PDIA6: variants seen among roughly 807,000 people sequenced by gnomAD.
PDIA6 encodes the protein protein disulfide-isomerase A6.
PDIA6 carries 29 observed loss-of-function variants against 58.4 expected under a neutral mutation model. That is an observed-to-expected ratio of 0.50 (90% CI 0.37 to 0.68). PDIA6 has a LOEUF of 0.68. Ranked by LOEUF, PDIA6 falls within the 30% of genes least tolerant of loss-of-function variation. PDIA6 has a pLI of 0.00. For synonymous variants in PDIA6, 192 were observed against 202.6 expected, an observed-to-expected ratio of 0.95 and a Z score of 0.44; for missense variants, 480 against 551.0, an observed-to-expected ratio of 0.87 and a Z score of 1.29.
intron 1 of PDIA6, among the ~76,000 whole-genome samples, chr2:10,827,345 G>C (rs1009988730): frequency 6.6e-6 from 1 of 152,024 alleles, no homozygotes; most frequent in African/African-American, 2.4e-5. Flanking sequence ...TTACAGGTGT[G>C]AGCCACCGCA....
At chr2:10,829,118 C>A (rs1021582114) in intron 1 of PDIA6, among the ~76,000 whole-genome samples, 3 of 152,204 alleles carry the variant, frequency 2.0e-5, no homozygotes, top group Non-Finnish European at 2.9e-5. Context: ...ATCTGCTTAC[C>A]CGGTGTTGTG....
chr2:10,813,691 A>G (rs941296645), upstream of PDIA6, among the ~76,000 whole-genome samples: 1 of 151,732 alleles, frequency 6.6e-6, no homozygotes, highest in African/African-American at 2.4e-5. Context: ...GCTGGAGTGC[A>G]AAGGCGGGGT....
chr2:10,821,831 C>T (rs967558768), intron 1 of PDIA6, among the ~76,000 whole-genome samples: 1 of 152,076 alleles, frequency 6.6e-6, no homozygotes, highest in African/African-American at 2.4e-5. Context: ...ACTATGTTAC[C>T]CAGGCTGGTC....
intron 5 of PDIA6, among the ~76,000 whole-genome samples, 193 bp from the exon 6 acceptor site, chr2:10,792,118 T>C (rs1315629323): frequency 6.6e-6 from 1 of 152,256 alleles, no homozygotes; most frequent in Non-Finnish European, 1.5e-5. Context: ...AATAGTCTTT[T>C]ACTTTCAAGT....
chr2:10,797,337 A>G (rs1256247895), intron 3 of PDIA6, 130 bp from the exon 4 acceptor site: 1 of 835,638 alleles, frequency 1.2e-6, no homozygotes, highest in Non-Finnish European at 1.8e-6. Flanking sequence ...ATCAGTCAAT[A>G]AGGGCTTTAG....
intron 2 of PDIA6, among the ~76,000 whole-genome samples, chr2:10,818,348 T>G (rs77055809): frequency 9.2e-5 from 14 of 151,630 alleles, no homozygotes; most frequent in Non-Finnish European, 7.4e-5. Context: ...ATTTTTTTTT[T>G]GTAGAGATGG....
chr2:10,812,575 TCCGGCCGCCTG>T, intron 1 of PDIA6, 92 bp downstream of exon 1: 1 of 1,226,022 alleles, frequency 8.2e-7, no homozygotes, highest in Non-Finnish European at 1.1e-6. Flanking sequence ...CAGGCCCACT[TCCGGCCGCCTG>T]CGGCCGCGGC....
chr2:10,818,023 G>A (rs1271521790), intron 2 of PDIA6, among the ~76,000 whole-genome samples: 1 of 152,122 alleles, frequency 6.6e-6, no homozygotes, highest in Non-Finnish European at 1.5e-5. Context: ...GACACACAGT[G>A]CTCCTCTCTG....
At chr2:10,794,682 A>C (rs1026338032) in intron 4 of PDIA6, among the ~76,000 whole-genome samples, 1 of 151,844 alleles carries the variant, frequency 6.6e-6, no homozygotes, top group African/African-American at 2.4e-5. Flanking sequence ...TAATCCCAGC[A>C]CTTTGGGAGG....
At chr2:10,825,129 C>T (rs1480248926) in intron 1 of PDIA6, among the ~76,000 whole-genome samples, 1 of 152,198 alleles carries the variant, frequency 6.6e-6, no homozygotes, top group Admixed American at 6.5e-5. Context: ...TGCCCTCAAA[C>T]ATCAGACTCC....
At chr2:10,799,842 T>G (rs1239766044) in intron 2 of PDIA6, among the ~76,000 whole-genome samples, 1 of 151,490 alleles carries the variant, frequency 6.6e-6, no homozygotes, top group Non-Finnish European at 1.5e-5. Context: ...CCAGGGGTTC[T>G]GCAACTGGGG....
intron 1 of PDIA6, among the ~76,000 whole-genome samples, chr2:10,824,977 G>A (rs1346045938): frequency 6.6e-6 from 1 of 152,160 alleles, no homozygotes; most frequent in East Asian, 1.9e-4. Context: ...GTTGGGAAAG[G>A]CAGACCCACC....
At chr2:10,792,990 G>A in intron 5 of PDIA6, 106 bp downstream of exon 5, 2 of 743,938 alleles carry the variant, frequency 2.7e-6, no homozygotes, top group South Asian at 3.3e-5. Flanking sequence ...CTTTAATTGA[G>A]AGTTCACCAC....
At chr2:10,824,192 G>A (rs1195992874) in intron 1 of PDIA6, among the ~76,000 whole-genome samples, 1 of 151,146 alleles carries the variant, frequency 6.6e-6, no homozygotes, top group African/African-American at 2.4e-5. Flanking sequence ...TGCTTCAGGA[G>A]GAGACACTCA....
At chr2:10,809,153 A>C (rs1666891634) in intron 1 of PDIA6, among the ~76,000 whole-genome samples, 1 of 152,236 alleles carries the variant, frequency 6.6e-6, no homozygotes, top group Non-Finnish European at 1.5e-5. Flanking sequence ...AAATGATCTT[A>C]GATATACTCA....
In PDIA6 at chr2:10,832,024, A is replaced by AAAAG. The variant is rs1180910752; in HGVS notation, c.-48+177_-48+178insCTTT. On this transcript the variant is annotated intron_variant, in intron 1 of 13. Coordinates refer to the PDIA6 transcript ENST00000381611. ...AGAGCAAGACCCTGTCTCAAAAAAAAAAAAAAAAAAAAAGAGGAGAGAATT... is the reference window on the plus strand; with the variant it reads ...AGAGCAAGACCCTGTCTCAAAAAAAAAAAGAAAAAAAAAAAAAGAGGAGAGAATT... 5.5e-4 allele frequency among the ~76,000 whole-genome samples: 83 copies of AAAAG among 151,500 alleles called. 2 individuals carry two copies. The East Asian group carries it at 0.01, about 18-fold the overall frequency.
Position 10,793,137 on chromosome 2 carries a change from G to A in PDIA6, c.412C>T (p.Arg138Cys). 3.1e-6 allele frequency: 5 copies of A among 1,613,972 alleles called. No individual in the cohort carries two copies. The highest frequency in any genetic ancestry group is 3.4e-6 in the Non-Finnish European group (4 of 1,179,854). ...LSALRQLVKD[R>C]LGGRSGGYSS... Reference sequence around the variant, plus strand: ...TATCCTCCGCTCCGTCCCCCGAGGCGATCCTTCACGAGCTGGCGCAGAGCA... The same window carrying A: ...TATCCTCCGCTCCGTCCCCCGAGGCAATCCTTCACGAGCTGGCGCAGAGCA... Residue 138 changes from arginine (R) to cysteine (C), a missense_variant, in exon 5 of 13, where the codon CGC becomes TGC. Transcript: ENST00000272227.
In PDIA6 at chr2:10,812,775, G is replaced by T. The variant is rs960458900; in HGVS notation, c.-79C>A. On this transcript the variant is annotated 5_prime_UTR_variant, in exon 1 of 13. Transcript: ENST00000272227. Reference sequence around the variant, plus strand: ...AGCGTGCCGCACGCCGCGCCCCCGCGCCCACGTCCCGCCCCAGGCCAGTCC... The same window carrying T: ...AGCGTGCCGCACGCCGCGCCCCCGCTCCCACGTCCCGCCCCAGGCCAGTCC... 6.8e-6 allele frequency: 9 copies of T among 1,326,630 alleles called. No homozygotes were observed. The African/African-American group carries it at 1.4e-4, about 20-fold the overall frequency. The allele number at this position is 1,326,630 out of a possible 1,614,324, so 82.2% of individuals were successfully genotyped here. A position where few individuals can be genotyped will look rare whatever the true frequency, so the allele number is the denominator to read the frequency against.
At chr2:10,798,133 T>C (rs1666350905) in intron 2 of PDIA6, among the ~76,000 whole-genome samples, 1 of 152,108 alleles carries the variant, frequency 6.6e-6, no homozygotes, top group Admixed American at 6.5e-5. Flanking sequence ...TTGCAAGAGC[T>C]GAGATCATGC....
Sources: allele counts gnomAD v4.1 joint callset (sites outside exome capture counted in the v4.1 genomes callset), GRCh38; gene constraint gnomAD v4.1.1; transcripts MANE v1.5; gene names NCBI Gene and HGNC (gene_info 2026-07-23, HGNC 2026-07-21).